The following LEF1 variants were observed in gnomAD, a reference collection of about 807,000 sequenced individuals.
LEF1 encodes the protein lymphoid enhancer-binding factor 1.
A neutral mutation model predicts 51.2 loss-of-function variants in LEF1; 14 were observed. The observed-to-expected ratio is 0.27, with a 90% CI of 0.18 to 0.43. LEF1 has a LOEUF of 0.43. LEF1 is among the 20% of genes least tolerant of loss of function. The probability of loss-of-function intolerance (pLI) is 1.00; values close to 1 mark genes in which losing one functional copy is unlikely to be tolerated. For synonymous variants in LEF1, 185 were observed against 183.2 expected, an observed-to-expected ratio of 1.01 and a Z score of -0.08; for missense variants, 386 against 512.0, an observed-to-expected ratio of 0.75 and a Z score of 2.37.
intron 3 of LEF1, among the ~76,000 whole-genome samples, chr4:108,159,291 C>G (rs2110413941): frequency 6.6e-6 from 1 of 152,314 alleles, no homozygotes; most frequent in East Asian, 1.9e-4. Context: ...AATTTTCCCA[C>G]ACATTCTCCT....
rs1172706758 is a variant in LEF1, at chr4:108,099,576, A to ATATGTGTGTG, written c.415-10320_415-10319insCACACACATA. Among the ~76,000 whole-genome samples the ATATGTGTGTG allele has an allele frequency of 4.4e-3, 173 of 39,528 alleles. 3 individuals carry two copies. The highest frequency in any genetic ancestry group is 5.7e-3 in the South Asian group (7 of 1,222). The allele number at this position is 39,528 out of a possible 152,430, so 25.9% of individuals were successfully genotyped here. On this transcript the variant is annotated intron_variant, in intron 3 of 11. Coordinates refer to ENST00000265165, the MANE Select transcript of LEF1 (RefSeq NM_016269.5). ...TGTGTATGTGTGTGTGTGTGTATATATATATATATATATATATATATATAT... is the reference window on the plus strand; with the variant it reads ...TGTGTATGTGTGTGTGTGTGTATATATATGTGTGTGTATATATATATATATATATATATAT...
chr4:108,138,644 C>T (rs767418729), intron 3 of LEF1, among the ~76,000 whole-genome samples: 1 of 152,214 alleles, frequency 6.6e-6, no homozygotes, highest in Non-Finnish European at 1.5e-5. Context: ...TTTTACTTAG[C>T]AAAGGTGTTT....
At chr4:108,086,744 C>G (rs1257378608) in intron 4 of LEF1, among the ~76,000 whole-genome samples, 1 of 151,686 alleles carries the variant, frequency 6.6e-6, no homozygotes, top group Admixed American at 6.6e-5. Flanking sequence ...CTAGGATTTC[C>G]TAAAAGCGCT....
chr4:108,060,724 T>A (rs1164479101), intron 11 of LEF1, among the ~76,000 whole-genome samples: 1 of 152,122 alleles, frequency 6.6e-6, no homozygotes, highest in Non-Finnish European at 1.5e-5. Flanking sequence ...CTTATTTTTA[T>A]TATAGTACTT....
intron 3 of LEF1, among the ~76,000 whole-genome samples, chr4:108,119,614 T>C (rs974543923): frequency 6.6e-6 from 1 of 152,196 alleles, no homozygotes; most frequent in Non-Finnish European, 1.5e-5. Context: ...AGTTTCAGGA[T>C]GTGGCCTGTT....
intron 3 of LEF1, among the ~76,000 whole-genome samples, chr4:108,144,393 TC>T (rs1237545919): frequency 6.6e-6 from 1 of 152,122 alleles, no homozygotes; most frequent in Non-Finnish European, 1.5e-5. Context: ...TCTCCTGTCT[TC>T]CCCAAGTCAA....
chr4:108,136,587 T>C (rs896814607), intron 3 of LEF1, among the ~76,000 whole-genome samples: 1 of 152,066 alleles, frequency 6.6e-6, no homozygotes, highest in Non-Finnish European at 1.5e-5. Flanking sequence ...TGCCAGAAGT[T>C]TGCCTTTCAG....
rs71592104 is a variant in LEF1, at chr4:108,092,917, TAAAAAAAAAAAA to T, written c.415-3672_415-3661del. On this transcript the variant is annotated intron_variant, in intron 3 of 11. Transcript: ENST00000265165. Reference sequence around the variant, plus strand: ...GTGGGTATTGGAAACAATGAATATGTAAAAAAAAAAAAAAAAAAAAAAAAAAAAAAAAGACAA... The same window carrying T: ...GTGGGTATTGGAAACAATGAATATGTAAAAAAAAAAAAAAAAAAAAGACAA... 5.0e-3 allele frequency among the ~76,000 whole-genome samples: 157 copies of T among 31,152 alleles called. 4 individuals carry two copies. The highest frequency in any genetic ancestry group is 0.019 in the African/African-American group (96 of 5,130). The allele number at this position is 31,152 out of a possible 152,430, so 20.4% of individuals were successfully genotyped here.
At position 108,149,458 on chromosome 4, in the gene LEF1, C is replaced by CAAAAAAACAA. The variant is rs574051570; in HGVS notation, c.414+14109_414+14110insTTGTTTTTTT. ...TGGGCGACAGAGCGAGACTCCGTCT[C>CAAAAAAACAA]AAAAAAAAAAAAAAAAAATAGATTA... On this transcript the variant is annotated intron_variant, in intron 3 of 11. Transcript: ENST00000265165. 2.0e-4 allele frequency among the ~76,000 whole-genome samples: 12 copies of CAAAAAAACAA among 60,592 alleles called. 1 individual carries two copies. Among genetic ancestry groups the CAAAAAAACAA allele is most frequent in the African/African-American group, 8.0e-4 (11 of 13,796 alleles). The allele number at this position is 60,592 out of a possible 152,430, so 39.8% of individuals were successfully genotyped here.
chr4:108,049,066 G>A (rs191824007), intron 11 of LEF1, among the ~76,000 whole-genome samples: 42 of 152,180 alleles, frequency 2.8e-4, no homozygotes, highest in African/African-American at 9.9e-4. Flanking sequence ...TAGGAAACAG[G>A]CAAACATGAA....
intron 3 of LEF1, among the ~76,000 whole-genome samples, chr4:108,103,202 C>T (rs1740938763): frequency 6.6e-6 from 1 of 152,224 alleles, no homozygotes; most frequent in African/African-American, 2.4e-5. Flanking sequence ...GGAACCTTCG[C>T]CTTCCTCCTA....
chr4:108,051,430 T>C (rs1736982379), intron 11 of LEF1, among the ~76,000 whole-genome samples: 1 of 152,176 alleles, frequency 6.6e-6, no homozygotes, highest in Non-Finnish European at 1.5e-5. Context: ...CCAGTCCAGA[T>C]TATTTTCAAG....
chr4:108,078,899 A>T (rs531487274), intron 7 of LEF1, among the ~76,000 whole-genome samples: 13 of 152,306 alleles, frequency 8.5e-5, no homozygotes, highest in Admixed American at 6.5e-4. Flanking sequence ...CAAGGGCTTT[A>T]TGGACCATCA....
At chr4:108,138,332 A>C (rs1743425945) in intron 3 of LEF1, among the ~76,000 whole-genome samples, 1 of 152,202 alleles carries the variant, frequency 6.6e-6, no homozygotes, top group African/African-American at 2.4e-5. Flanking sequence ...CTGTATTTGC[A>C]TTGCCTTTAC....
intron 8 of LEF1, among the ~76,000 whole-genome samples, chr4:108,074,080 T>C (rs144761102): frequency 9.1e-4 from 139 of 152,190 alleles, no homozygotes; most frequent in Middle Eastern, 6.8e-3. Context: ...GACTCACAAA[T>C]AGAAGATCAC....
chr4:108,057,244 C>T (rs1737365950), intron 11 of LEF1, among the ~76,000 whole-genome samples: 3 of 151,978 alleles, frequency 2.0e-5, no homozygotes, highest in Non-Finnish European at 4.4e-5. Context: ...TAATTTTTAC[C>T]CTGAGACTTG....
At chr4:108,079,176 C>G (rs1162180270) in intron 7 of LEF1, among the ~76,000 whole-genome samples, 1 of 152,130 alleles carries the variant, frequency 6.6e-6, no homozygotes, top group Non-Finnish European at 1.5e-5. Flanking sequence ...CCCCAATAAT[C>G]TGAACCAAAT....
At position 108,090,388 on chromosome 4, in the gene LEF1, G is replaced by A. The variant is rs183619617; in HGVS notation, c.415-1131C>T. On this transcript the variant is annotated intron_variant, in intron 3 of 11. Coordinates refer to ENST00000265165, the MANE Select transcript of LEF1 (RefSeq NM_016269.5). ...TTATTATTTAATTTGGAAGTCAACA[G>A]TCACACTTTTTAATTCAAGTTATCT... Among the ~76,000 whole-genome samples, 290 of 152,200 alleles carry A rather than the reference G, an allele frequency of 1.9e-3. 1 individual carries two copies. Among genetic ancestry groups the A allele is most frequent in the Non-Finnish European group, 3.5e-3 (237 of 68,028 alleles).
intron 3 of LEF1, among the ~76,000 whole-genome samples, chr4:108,156,770 C>T (rs1021001574): frequency 2.0e-5 from 3 of 150,364 alleles, no homozygotes; most frequent in African/African-American, 4.9e-5. Flanking sequence ...AGTAAAAACG[C>T]AAATATCATG....
Sources: gnomAD v4.1 joint callset for allele counts (sites outside exome capture counted in the v4.1 genomes callset) on GRCh38, gnomAD v4.1.1 for gene constraint, MANE v1.5 for transcripts, NCBI Gene and HGNC (gene_info 2026-07-23, HGNC 2026-07-21) for gene names.